The following DLG4 variants were observed in gnomAD, a reference collection of about 807,000 sequenced individuals.
DLG4 encodes the protein discs large MAGUK scaffold protein 4.
DLG4 carries 7 observed loss-of-function variants against 93.8 expected under a neutral mutation model. The observed-to-expected ratio is 0.07, with a 90% CI of 0.04 to 0.14. DLG4 has a LOEUF of 0.14. DLG4 is among the 10% of genes least tolerant of loss of function. The probability of loss-of-function intolerance (pLI) is 1.00; values close to 1 mark genes in which losing one functional copy is unlikely to be tolerated. For synonymous variants in DLG4, 341 were observed against 387.6 expected (o/e 0.88, Z 1.41); for missense variants, 545 against 992.9 (o/e 0.55, Z 6.06).
chr17:7,193,909 C>T lies in DLG4; in HGVS notation c.1516-38G>A, dbSNP rs1328595151. On this transcript the variant is annotated intron_variant, in intron 13 of 19. Coordinates refer to ENST00000399506, the MANE Select transcript of DLG4 (RefSeq NM_001321075.3). This position sits in a 1 kb window ranked among gnomAD's most constrained non-coding sequence, Gnocchi z 6.7. ...AGCAGGCCACGGGGTTAGTTATGAGCTCAGCTCCATGAGCCCTCACACTTC... is the reference window on the plus strand; with the variant it reads ...AGCAGGCCACGGGGTTAGTTATGAGTTCAGCTCCATGAGCCCTCACACTTC... The T allele has an allele frequency of 6.2e-7, 1 of 1,613,052 alleles. No individual in the cohort carries two copies. The highest frequency in any genetic ancestry group is 1.7e-4 in the Middle Eastern group (1 of 6,060).
intron 2 of DLG4, among the ~76,000 whole-genome samples, chr17:7,207,122 T>G: frequency 1.4e-5 from 2 of 146,700 alleles, no homozygotes; most frequent in Non-Finnish European, 1.5e-5. Flanking sequence ...CAGAGGGGGA[T>G]AGAAAGAAGA....
At chr17:7,218,378 A>C, upstream of DLG4, 5 of 1,430,510 alleles carry the variant, frequency 3.5e-6, no homozygotes, top group Admixed American at 9.8e-5. Context: ...GCAAGGGAGG[A>C]GCCCTTTCAG....
rs1009281845 is a variant in DLG4 at position 7,195,816 on chromosome 17, G to A, written c.1301+404C>T. On this transcript the variant is annotated intron_variant, in intron 11 of 19. Transcript: ENST00000399506. This position sits in a 1 kb window ranked among gnomAD's most constrained non-coding sequence, Gnocchi z 4.3. ...GGGAGCAAAATGCCGCTGGAGAGAC[G>A]GGGGCAGGCACCACAGAGCTGCGGC... Among the ~76,000 whole-genome samples, 5 of 152,206 alleles carry A rather than the reference G, an allele frequency of 3.3e-5. No individual in the cohort carries two copies. Among genetic ancestry groups the A allele is most frequent in the South Asian group, 2.1e-4 (1 of 4,832 alleles).
chr17:7,191,870 G>A lies in DLG4; in HGVS notation c.1976+23C>T. On this transcript the variant is annotated intron_variant, in intron 18 of 19. Transcript: ENST00000399506. This position sits in a 1 kb window ranked among gnomAD's most constrained non-coding sequence, Gnocchi z 6.6. ...CCACAGGTGTTGGGGGAGCAAAGGGGAGGCCCCCAGGACCATACTCACAGC... is the reference window on the plus strand; with the variant it reads ...CCACAGGTGTTGGGGGAGCAAAGGGAAGGCCCCCAGGACCATACTCACAGC... The A allele has an allele frequency of 1.4e-6, 2 of 1,420,510 alleles. No homozygotes were observed. The highest frequency in any genetic ancestry group is 1.4e-5 in the African/African-American group (1 of 69,146). The allele number at this position is 1,420,510 out of a possible 1,614,324, so 88.0% of individuals were successfully genotyped here.
rs2069342642 is a variant in DLG4 at position 7,188,107 on chromosome 17, TCTC to T, written c.*2598_*2600del. Among the ~76,000 whole-genome samples the T allele has an allele frequency of 2.0e-5, 3 of 149,550 alleles. No individual in the cohort carries two copies. The South Asian group carries it at 6.3e-4, about 31-fold the overall frequency. On this transcript the variant is annotated 3_prime_UTR_variant, in exon 20 of 20. Transcript: ENST00000399506. Reference sequence around the variant, plus strand: ...AAAAAAAATCCTCTGAAGCAGTGCTTCTCCACCCAGTGAGACATCAAAATCACC... The same window carrying T: ...AAAAAAAATCCTCTGAAGCAGTGCTTCACCCAGTGAGACATCAAAATCACC...
intron 2 of DLG4, among the ~76,000 whole-genome samples, chr17:7,207,104 G>A (rs2070498824): frequency 6.6e-6 from 1 of 151,892 alleles, no homozygotes; most frequent in Non-Finnish European, 1.5e-5. Context: ...GGGGGATGAT[G>A]GAGGGGGCAG....
intron 8 of DLG4, among the ~76,000 whole-genome samples, chr17:7,198,879 G>C (rs2142858181): frequency 6.8e-6 from 1 of 147,124 alleles, no homozygotes; most frequent in East Asian, 2.0e-4. Context: ...AGCTGAGCAT[G>C]ATGGCACTCG....
intron 1 of DLG4, among the ~76,000 whole-genome samples, chr17:7,211,473 AC>A (rs2070701873): frequency 6.6e-6 from 1 of 151,338 alleles, no homozygotes; most frequent in African/African-American, 2.4e-5. Flanking sequence ...CACCCCCAAA[AC>A]ATAGGGGTGT....
chr17:7,193,190 CA>C lies in DLG4; in HGVS notation c.1694-74del, dbSNP rs761771943. ...TAGCTTAAATCCTGCCTACTTCAAT[CA>C]AATCCCCATAGTGCCCAGCTGGTCC... On this transcript the variant is annotated intron_variant, in intron 16 of 19. Coordinates refer to ENST00000399506, the MANE Select transcript of DLG4 (RefSeq NM_001321075.3). The surrounding 1 kb of genome is among the most constrained non-coding windows in gnomAD (Gnocchi z 6.7). 1.3e-5 allele frequency: 20 copies of C among 1,579,110 alleles called. No individual in the cohort carries two copies. Among genetic ancestry groups the C allele is most frequent in the Non-Finnish European group, 1.7e-5 (20 of 1,158,338 alleles).
rs199520516 is a variant in DLG4 at position 7,196,206 on chromosome 17, G to A, written c.1301+14C>T. ...GCAGAGGGGCTGAGGAGTCCAGCCCGGGAAGCCTCTGACCTGATGTAGAAA... is the reference window on the plus strand; with the variant it reads ...GCAGAGGGGCTGAGGAGTCCAGCCCAGGAAGCCTCTGACCTGATGTAGAAA... On this transcript the variant is annotated intron_variant, in intron 11 of 19. Coordinates refer to ENST00000399506, the MANE Select transcript of DLG4 (RefSeq NM_001321075.3). The surrounding 1 kb of genome is among the most constrained non-coding windows in gnomAD (Gnocchi z 8.3). 7.8e-5 allele frequency: 125 copies of A among 1,603,936 alleles called. 1 individual carries two copies. In the East Asian group the frequency reaches 2.1e-3, roughly 28 times the overall value.
At position 7,194,475 on chromosome 17, in the gene DLG4, T is replaced by A; in HGVS notation, c.1322A>T (p.Lys441Met). The A allele has an allele frequency of 6.2e-7, 1 of 1,608,448 alleles. No homozygotes were observed. The highest frequency in any genetic ancestry group is 8.5e-7 in the Non-Finnish European group (1 of 1,177,600). The change falls in exon 12 of 20, where the codon AAG becomes ATG. Residue 441 changes from lysine to methionine, a missense_variant. Lys to Met is a moderately conservative substitution (Grantham distance 95). This residue lies in a region of DLG4 where 428 missense variants were observed against 741.4 expected (regional missense o/e 0.58). Transcript: ENST00000399506. The surrounding 1 kb of genome is among the most constrained non-coding windows in gnomAD (Gnocchi z 4.4). ...GCTCAGGAAGCCGCAGTCCTTGGTC[T>A]TGTCGTAATCAAACAGGGCCCTGGA... Reference protein sequence around the residue: ...FYIRALFDYDKTKDCGFLSQA... With the variant: ...FYIRALFDYDMTKDCGFLSQA...
intron 8 of DLG4, among the ~76,000 whole-genome samples, chr17:7,198,396 T>C (rs2069917088): frequency 1.3e-5 from 2 of 151,416 alleles, no homozygotes; most frequent in Non-Finnish European, 2.9e-5. Flanking sequence ...GGCAGGAGAA[T>C]TGCTTGAACC....
Position 7,196,510 on chromosome 17 carries a change from A to G in DLG4, c.1149T>C (p.Gly383=). The G allele has an allele frequency of 1.2e-6, 2 of 1,613,834 alleles. No homozygotes were observed. The highest frequency in any genetic ancestry group is 1.7e-6 in the Non-Finnish European group (2 of 1,179,858). ...EQAAIALKNA[G]QTVTIIAQYK... is the part of the protein sequence containing the mutation. ...ACTGAGCGATGATCGTGACCGTCTG[A>G]CCCGCATTCTTCAGGGCAATGGCAG... The change falls in exon 10 of 20, where the codon GGT becomes GGC. Residue 383 remains glycine (G), a synonymous_variant. Transcript: ENST00000399506. This position sits in a 1 kb window ranked among gnomAD's most constrained non-coding sequence, Gnocchi z 8.3.
chr17:7,192,037 C>G (rs375158297), intron 17 of DLG4, 35 bp from the exon 18 acceptor site: 1 of 1,225,900 alleles, frequency 8.2e-7, no homozygotes, highest in Non-Finnish European at 1.1e-6. Context: ...GGGGGGCCAG[C>G]GGGTGGCGAG....
Position 7,217,150 on chromosome 17 carries a change from T to TG in DLG4, c.-4dup. 3 of 1,290,996 alleles carry TG rather than the reference T, an allele frequency of 2.3e-6. No individual in the cohort carries two copies. Among genetic ancestry groups the TG allele is most frequent in the Non-Finnish European group, 2.0e-6 (2 of 1,015,982 alleles). 80.0% of individuals were successfully genotyped at this position (1,290,996 alleles called of 1,614,324 possible). A position where few individuals can be genotyped will look rare whatever the true frequency, so the allele number is the denominator to read the frequency against. On this transcript the variant is annotated 5_prime_UTR_variant, in exon 1 of 20. Coordinates refer to ENST00000399506, the MANE Select transcript of DLG4 (RefSeq NM_001321075.3). ...GTCACTATACAGAGACAGTCCATGT[T>TG]GGGGGGCCTGGCCGCGGCGGCGGGT... is the stretch of plus-strand genomic sequence containing the variant.
Position 7,191,362 on chromosome 17 carries a change from T to G in DLG4, c.1977-4A>C. 6.2e-7 allele frequency: 1 copy of G among 1,613,566 alleles called. No individual in the cohort carries two copies. Among genetic ancestry groups the G allele is most frequent in the Non-Finnish European group, 8.5e-7 (1 of 1,179,696 alleles). ...TGTGATCCGCTTGTTAATCTCTCTG[T>G]GAAGAGGGAGGGAGAGCAGGCCTGA... On this transcript the variant is annotated splice_polypyrimidine_tract_variant and splice_region_variant and intron_variant, in intron 18 of 19. Transcript: ENST00000399506. The surrounding 1 kb of genome is among the most constrained non-coding windows in gnomAD (Gnocchi z 6.6).
chr17:7,190,412 C>G lies in DLG4; in HGVS notation c.*296G>C. The G allele has an allele frequency of 4.8e-6, 2 of 416,552 alleles. No individual in the cohort carries two copies. Among genetic ancestry groups the G allele is most frequent in the South Asian group, 5.0e-5 (2 of 39,792 alleles). The allele number at this position is 416,552 out of a possible 1,614,324, so 25.8% of individuals were successfully genotyped here. On this transcript the variant is annotated 3_prime_UTR_variant, in exon 20 of 20. Coordinates refer to ENST00000399506, the MANE Select transcript of DLG4 (RefSeq NM_001321075.3). Reference sequence around the variant, plus strand: ...GGAGGGCAGGTGGCCCCCGGTGGGTCTGTGTGTGCATTGGGGGCAGGTGGG... The same window carrying G: ...GGAGGGCAGGTGGCCCCCGGTGGGTGTGTGTGTGCATTGGGGGCAGGTGGG...
Position 7,204,066 on chromosome 17 carries a change from T to A in DLG4, c.152A>T (p.Glu51Val). 6.2e-7 allele frequency: 1 copy of A among 1,608,338 alleles called. No individual in the cohort carries two copies. The highest frequency in any genetic ancestry group is 8.5e-7 in the Non-Finnish European group (1 of 1,177,444). The change falls in exon 4 of 20, where the codon GAG becomes GTG. Residue 51 changes from glutamate (E) to valine (V), a missense_variant and splice_region_variant. Glu to Val is a moderately radical substitution (Grantham distance 121, BLOSUM62 -2). This residue lies in a region of DLG4 where 49 missense variants were observed against 80.4 expected (regional missense o/e 0.61). Coordinates refer to ENST00000399506, the MANE Select transcript of DLG4 (RefSeq NM_001321075.3). Reference protein sequence around the residue: ...NTDTLEAPGYELQVNGTEGEM... With the variant: ...NTDTLEAPGYVLQVNGTEGEM... ...CCCCTCGGTCCCGTTCACCTGCAAC[T>A]CCAGCACGGGACAGAAACACAAAAG... is the stretch of plus-strand genomic sequence containing the variant.
chr17:7,218,881 C>T (rs1405514842), upstream of DLG4: 12 of 1,612,684 alleles, frequency 7.4e-6, no homozygotes, highest in Non-Finnish European at 9.3e-6. Context: ...TCTCCCTAAT[C>T]CTCCAGGATT....
Sources: allele counts gnomAD v4.1 joint callset (sites outside exome capture counted in the v4.1 genomes callset), GRCh38; gene constraint gnomAD v4.1.1; regional missense constraint gnomAD v4.1.1; non-coding constraint Gnocchi (gnomAD v3.1); transcripts MANE v1.5; gene names NCBI Gene and HGNC (gene_info 2026-07-23, HGNC 2026-07-21).